The following COL4A2 variants were observed in gnomAD, a reference collection of about 807,000 sequenced individuals.
COL4A2 encodes collagen alpha-2(IV) chain.
In COL4A2, 99 loss-of-function variants were observed where a neutral mutation model predicts 200.2. That is an observed-to-expected ratio of 0.49 (90% confidence interval 0.42 to 0.58). The LOEUF (loss-of-function observed/expected upper bound fraction) is 0.58, where lower values mean the gene tolerates loss of function less well. COL4A2 is among the 20% of genes least tolerant of loss of function. COL4A2 has a pLI of 0.00. For synonymous variants in COL4A2, 897 were observed against 900.6 expected, an observed-to-expected ratio of 1.00 and a Z score of 0.07; for missense variants, 1,950 against 2,314.1, an observed-to-expected ratio of 0.84 and a Z score of 3.23.
chr13:110,480,480 T>A, intron 31 of COL4A2, 90 bp downstream of exon 31: 1 of 1,359,020 alleles, frequency 7.4e-7, no homozygotes, highest in Non-Finnish European at 9.8e-7. Context: ...GGCGCCTCTG[T>A]GGGCCGTGGG....
rs1884844264 is a variant in COL4A2 at position 110,307,989 on chromosome 13, T to C, written c.44+42T>C. 1 of 1,611,906 alleles carries C rather than the reference T, an allele frequency of 6.2e-7. No homozygotes were observed. Among genetic ancestry groups the C allele is most frequent in the African/African-American group, 1.3e-5 (1 of 74,912 alleles). On this transcript the variant is annotated intron_variant, in intron 2 of 47. Transcript: ENST00000360467. This position sits in a 1 kb window ranked among gnomAD's most constrained non-coding sequence, Gnocchi z 5.0. ...CTGGTCCCCGTGGGTCACGCGCGCA[T>C]GGACCCTTCGGTGTAACTCTCGGGG... is the stretch of plus-strand genomic sequence containing the variant.
chr13:110,420,050 G>C (rs751342387), intron 4 of COL4A2, among the ~76,000 whole-genome samples: 1 of 152,290 alleles, frequency 6.6e-6, no homozygotes, highest in Non-Finnish European at 1.5e-5. Context: ...GTATCCTGGG[G>C]ATCAGTTCAA....
intron 28 of COL4A2, 64 bp downstream of exon 28, chr13:110,469,388 A>G: frequency 6.8e-7 from 1 of 1,475,802 alleles, no homozygotes; most frequent in Non-Finnish European, 9.2e-7. Context: ...TGTGATTCAT[A>G]AGCATCCAGC....
At chr13:110,490,253 G>A (rs80234692) in intron 36 of COL4A2, among the ~76,000 whole-genome samples, 20,555 of 152,298 alleles carry the variant, frequency 0.13, 1,509 homozygotes, top group South Asian at 0.23. Context: ...GGCCTGGGGC[G>A]GCACAGTGCC....
intron 29 of COL4A2, 74 bp downstream of exon 29, chr13:110,473,224 TC>T: frequency 7.2e-7 from 1 of 1,395,670 alleles, no homozygotes; most frequent in Non-Finnish European, 9.7e-7. Context: ...CCCAATCCCT[TC>T]CGGGGGATTT....
At chr13:110,428,807 T>A (rs1369982980) in intron 7 of COL4A2, among the ~76,000 whole-genome samples, 1 of 152,240 alleles carries the variant, frequency 6.6e-6, no homozygotes, top group Non-Finnish European at 1.5e-5. Flanking sequence ...TCACTCTCAG[T>A]CTCCCAAGTG....
At chr13:110,385,513 A>G (rs202158941) in intron 4 of COL4A2, among the ~76,000 whole-genome samples, 1,217 of 73,500 alleles carry the variant, frequency 0.017, 24 homozygotes, top group South Asian at 0.02. Context: ...GTGTGTGGAT[A>G]GGCCGTGGTT....
At chr13:110,401,527 A>G (rs1292937844) in intron 4 of COL4A2, among the ~76,000 whole-genome samples, 3 of 152,220 alleles carry the variant, frequency 2.0e-5, no homozygotes, top group African/African-American at 7.2e-5. Flanking sequence ...CAAAGTTCTC[A>G]TTTTGTTTTA....
chr13:110,321,208 G>GTATATATATA (rs564904701), intron 3 of COL4A2, among the ~76,000 whole-genome samples: 1 of 146,590 alleles, frequency 6.8e-6, no homozygotes, highest in African/African-American at 2.6e-5. Context: ...GTGTCTGTGT[G>GTATATATATA]TATATATATA....
At chr13:110,389,403 A>T (rs745669931) in intron 4 of COL4A2, among the ~76,000 whole-genome samples, 2 of 152,204 alleles carry the variant, frequency 1.3e-5, no homozygotes, top group Non-Finnish European at 2.9e-5. Context: ...TATCTGTAGA[A>T]GTGTGCGTGT....
chr13:110,384,974 T>G (rs957512915), intron 4 of COL4A2, among the ~76,000 whole-genome samples: 4 of 152,102 alleles, frequency 2.6e-5, no homozygotes, highest in African/African-American at 9.7e-5. Flanking sequence ...AACAAAAAAG[T>G]TAAACAGAGG....
intron 16 of COL4A2, among the ~76,000 whole-genome samples, chr13:110,443,734 T>A (rs995456585): frequency 6.6e-6 from 1 of 152,142 alleles, no homozygotes; most frequent in Admixed American, 6.5e-5. Context: ...AGTACAGACC[T>A]TGCCTGGAAG....
chr13:110,341,899 C>T (rs934602561), intron 3 of COL4A2, among the ~76,000 whole-genome samples: 3 of 152,126 alleles, frequency 2.0e-5, no homozygotes, highest in South Asian at 2.1e-4. Flanking sequence ...AGGAAGTCCG[C>T]GTTTGTGGAT....
intron 40 of COL4A2, among the ~76,000 whole-genome samples, chr13:110,496,933 C>T (rs12869268): frequency 1.5e-3 from 203 of 136,512 alleles, no homozygotes; most frequent in African/African-American, 4.9e-3. Context: ...CAGCCTCAGT[C>T]GGGGTGAAGA....
At chr13:110,507,650 A>C in intron 46 of COL4A2, 1 of 529,082 alleles carries the variant, frequency 1.9e-6, no homozygotes, top group Non-Finnish European at 3.4e-6. Context: ...GGCTCACCCA[A>C]AATGCTATTC....
chr13:110,381,883 T>C (rs1878508072), intron 4 of COL4A2, among the ~76,000 whole-genome samples: 1 of 152,216 alleles, frequency 6.6e-6, no homozygotes, highest in Admixed American at 6.5e-5. Flanking sequence ...TCAGTACCCA[T>C]ACTGAGATTT....
Position 110,480,376 on chromosome 13 carries a change from C to A in COL4A2, c.2744C>A (p.Thr915Asn), listed in dbSNP as rs760906110. ...GFKGIDGMPG[T>N]PGLKGDRGSP... ...AAAGGAATTGATGGAATGCCTGGGA[C>A]CCCCGGGCTAAAAGGTAATTGTGTG... The change falls in exon 31 of 48, where the codon ACC becomes AAC. Residue 915 changes from threonine (T) to asparagine (N), a missense_variant. Physicochemically the swap from Thr to Asn is moderately conservative, Grantham distance 65 (BLOSUM62 0). Around this residue, in one of 2 missense-constraint regions of COL4A2, gnomAD observed 1,385 missense variants for 1,720.5 expected, o/e 0.80. Coordinates refer to ENST00000360467, the MANE Select transcript of COL4A2 (RefSeq NM_001846.4). The A allele has an allele frequency of 6.2e-7, 1 of 1,610,884 alleles. No homozygotes were observed. The highest frequency in any genetic ancestry group is 1.7e-5 in the Admixed American group (1 of 59,352).
chr13:110,419,396 A>G (rs1269135012), intron 4 of COL4A2, among the ~76,000 whole-genome samples: 1 of 152,026 alleles, frequency 6.6e-6, no homozygotes, highest in African/African-American at 2.4e-5. Flanking sequence ...AACTCTTTCT[A>G]CTCCCTTACC....
At chr13:110,317,788 G>C (rs1885180138) in intron 3 of COL4A2, among the ~76,000 whole-genome samples, 1 of 152,206 alleles carries the variant, frequency 6.6e-6, no homozygotes, top group Non-Finnish European at 1.5e-5. Context: ...GGCAAACACG[G>C]CTTTATGTTT....
Sources: allele counts gnomAD v4.1 joint callset (sites outside exome capture counted in the v4.1 genomes callset), GRCh38; gene constraint gnomAD v4.1.1; regional missense constraint gnomAD v4.1.1; non-coding constraint Gnocchi (gnomAD v3.1); transcripts MANE v1.5; gene names NCBI Gene and HGNC (gene_info 2026-07-23, HGNC 2026-07-21).